The following ZNF516 variants were observed in gnomAD, a reference collection of about 807,000 sequenced individuals.
ZNF516 encodes zinc finger protein 516.
In ZNF516, 19 loss-of-function variants were observed where a neutral mutation model predicts 79.7. The observed-to-expected ratio is 0.24, with a 90% CI of 0.17 to 0.35. ZNF516 has a LOEUF of 0.35. ZNF516 is among the 10% of genes least tolerant of loss of function. The pLI is 1.00. For synonymous variants in ZNF516, 877 were observed against 739.5 expected (o/e 1.19, Z -3.02); for missense variants, 1,678 against 1,679.5 (o/e 1.00, Z 0.02).
intron 3 of ZNF516, among the ~76,000 whole-genome samples, chr18:76,396,981 G>C (rs867382087): frequency 3.3e-5 from 5 of 152,210 alleles, no homozygotes; most frequent in Admixed American, 6.5e-5. Flanking sequence ...GTGTGATCTG[G>C]AAGTTCTCCT....
chr18:76,360,889 G>C lies in ZNF516; in HGVS notation c.*1609C>G, dbSNP rs951749128. ...TTAGGGTGTGTGTGTGTGTTTGTGT[G>C]TGTGTGTGTCTGTGTTTAAACAAGA... is the stretch of plus-strand genomic sequence containing the variant. On this transcript the variant is annotated 3_prime_UTR_variant, in exon 7 of 7. Coordinates refer to ENST00000443185, the MANE Select transcript of ZNF516 (RefSeq NM_014643.4). 5.3e-5 allele frequency: 8 copies of C among 151,242 alleles called. No homozygotes were observed. Among genetic ancestry groups the C allele is most frequent in the African/African-American group, 1.9e-4 (8 of 41,194 alleles). 9.4% of individuals were successfully genotyped at this position (151,242 alleles called of 1,614,324 possible).
intron 3 of ZNF516, among the ~76,000 whole-genome samples, chr18:76,408,668 G>T (rs893948771): frequency 6.6e-6 from 1 of 152,208 alleles, no homozygotes. Context: ...AGAAAGAGGC[G>T]TAAAAAGAGG....
rs910430019 is a variant in ZNF516, at chr18:76,480,494, T to TACAC, written c.-272+14646_-272+14649dup. On this transcript the variant is annotated intron_variant, in intron 1 of 6. Transcript: ENST00000443185. ...ATATATACACACACACATATACACATACACACACACACACACACACACACA... is the reference window on the plus strand; with the variant it reads ...ATATATACACACACACATATACACATACACACACACACACACACACACACACACA... Among the ~76,000 whole-genome samples the TACAC allele has an allele frequency of 7.0e-3, 923 of 131,126 alleles. 11 individuals are homozygous for TACAC. The highest frequency in any genetic ancestry group is 0.025 in the African/African-American group (818 of 32,480). The allele number at this position is 131,126 out of a possible 152,430, so 86.0% of individuals were successfully genotyped here. A position where few individuals can be genotyped will look rare whatever the true frequency, so the allele number is the denominator to read the frequency against.
chr18:76,492,669 A>C, intron 1 of ZNF516: 2 of 965,256 alleles, frequency 2.1e-6, no homozygotes, highest in Non-Finnish European at 2.5e-6. Flanking sequence ...GCGCGTGCCC[A>C]GGCACCAAGG....
intron 6 of ZNF516, among the ~76,000 whole-genome samples, chr18:76,367,939 T>C (rs1328081700): frequency 6.6e-6 from 1 of 152,186 alleles, no homozygotes; most frequent in Admixed American, 6.5e-5. Context: ...ATCAAATAAT[T>C]TCTGCATGAA....
At chr18:76,433,244 A>G (rs1385597123) in intron 3 of ZNF516, among the ~76,000 whole-genome samples, 1 of 152,114 alleles carries the variant, frequency 6.6e-6, no homozygotes, top group African/African-American at 2.4e-5. Context: ...GTGCAAAACT[A>G]CCCACTCCCG....
intron 1 of ZNF516, among the ~76,000 whole-genome samples, chr18:76,478,259 C>T (rs1373692193): frequency 6.6e-6 from 1 of 152,138 alleles, no homozygotes; most frequent in African/African-American, 2.4e-5. Flanking sequence ...CATTCTTCAA[C>T]AGGAAGGGCA....
At chr18:76,402,831 G>A (rs1394574644) in intron 3 of ZNF516, among the ~76,000 whole-genome samples, 2 of 152,192 alleles carry the variant, frequency 1.3e-5, no homozygotes, top group African/African-American at 2.4e-5. Context: ...TGCCGTCTGC[G>A]CTCGCAGGAC....
At chr18:76,496,406 G>T (rs994968723), upstream of ZNF516, 23 of 1,289,588 alleles carry the variant, frequency 1.8e-5, no homozygotes, top group Admixed American at 2.3e-5. Context: ...CTCAGCGGCG[G>T]CGTCTCTCTC....
intron 3 of ZNF516, among the ~76,000 whole-genome samples, chr18:76,380,660 G>A (rs1282357831): frequency 3.9e-5 from 6 of 152,158 alleles, no homozygotes; most frequent in Non-Finnish European, 7.3e-5. Context: ...TATAAGGTTC[G>A]TATGACTTTC....
intron 2 of ZNF516, among the ~76,000 whole-genome samples, chr18:76,460,347 T>C (rs1335807082): frequency 6.6e-6 from 1 of 152,188 alleles, no homozygotes; most frequent in Non-Finnish European, 1.5e-5. Context: ...CCTGTCTTCC[T>C]GCCTCCCTGT....
chr18:76,488,073 G>T (rs902052772), intron 1 of ZNF516: 4 of 985,036 alleles, frequency 4.1e-6, no homozygotes, highest in Non-Finnish European at 4.8e-6. Flanking sequence ...ATCTGCCTCC[G>T]AGAACCTCCA....
At chr18:76,431,310 AAAAG>A in intron 3 of ZNF516, among the ~76,000 whole-genome samples, 1 of 152,376 alleles carries the variant, frequency 6.6e-6, no homozygotes, top group South Asian at 2.1e-4. Context: ...TCAAGCATTT[AAAAG>A]AAAGTCTAAA....
At chr18:76,418,720 A>C (rs1438181894) in intron 3 of ZNF516, among the ~76,000 whole-genome samples, 1 of 152,248 alleles carries the variant, frequency 6.6e-6, no homozygotes, top group Non-Finnish European at 1.5e-5. Flanking sequence ...CTTTATTTTA[A>C]ATGTAATTAT....
At chr18:76,460,247 G>A (rs3794928) in intron 2 of ZNF516, among the ~76,000 whole-genome samples, 42,841 of 152,038 alleles carry the variant, frequency 0.28, 7,445 homozygotes, top group East Asian at 0.45. Context: ...GCCCTCCTCC[G>A]TCTCTGCGAT....
intron 3 of ZNF516, among the ~76,000 whole-genome samples, chr18:76,400,544 G>A (rs544247019): frequency 5.3e-5 from 8 of 152,254 alleles, no homozygotes; most frequent in Admixed American, 6.5e-5. Flanking sequence ...AACCTGGCTG[G>A]TACTGACCCC....
chr18:76,367,240 C>T (rs1206258886), intron 6 of ZNF516, among the ~76,000 whole-genome samples: 1 of 152,190 alleles, frequency 6.6e-6, no homozygotes, highest in Non-Finnish European at 1.5e-5. Context: ...GTTCTAGTCC[C>T]TCAAATCTAC....
Position 76,359,897 on chromosome 18 carries a change from C to T in ZNF516, c.*2601G>A, listed in dbSNP as rs886905998. ...ACACAAATCATATTAAATACTATGA[C>T]CAAATCAACAAATTAACAAACCAAC... On this transcript the variant is annotated 3_prime_UTR_variant, in exon 7 of 7. Coordinates refer to ENST00000443185, the MANE Select transcript of ZNF516 (RefSeq NM_014643.4). The T allele has an allele frequency of 6.6e-6, 1 of 152,162 alleles. No homozygotes were observed. Among genetic ancestry groups the T allele is most frequent in the Non-Finnish European group, 1.5e-5 (1 of 68,026 alleles). The allele number at this position is 152,162 out of a possible 1,614,324, so 9.4% of individuals were successfully genotyped here.
chr18:76,427,260 T>C (rs36113192), intron 3 of ZNF516, among the ~76,000 whole-genome samples: 3,178 of 152,324 alleles, frequency 0.021, 49 homozygotes, highest in Middle Eastern at 0.034. Context: ...AACTTCAGAT[T>C]TCCTATCTGT....
Sources: allele counts gnomAD v4.1 joint callset (sites outside exome capture counted in the v4.1 genomes callset), GRCh38; gene constraint gnomAD v4.1.1; transcripts MANE v1.5; gene names NCBI Gene and HGNC (gene_info 2026-07-23, HGNC 2026-07-21).